ELOVL5: variants seen among roughly 807,000 people sequenced by gnomAD.
The protein encoded by ELOVL5 is very long chain fatty acid elongase 5.
In ELOVL5, 8 loss-of-function variants were observed where a neutral mutation model predicts 38.6. The ratio of observed to expected loss-of-function variants is 0.21; its 90% CI spans 0.12 to 0.37. ELOVL5 has a LOEUF of 0.37. Ranked by LOEUF, ELOVL5 falls within the 10% of genes least tolerant of loss-of-function variation. ELOVL5 has a pLI of 1.00. For missense variants in ELOVL5, 280 were observed against 367.8 expected (o/e 0.76, Z 1.95); for synonymous variants, 127 against 133.7 (o/e 0.95, Z 0.34).
At chr6:53,270,371 G>T (rs1327680451) in intron 7 of ELOVL5, among the ~76,000 whole-genome samples, 1 of 152,096 alleles carries the variant, frequency 6.6e-6, no homozygotes, top group African/African-American at 2.4e-5. Context: ...ATTTCCCAGG[G>T]GAATCCCAAG....
intron 1 of ELOVL5, among the ~76,000 whole-genome samples, chr6:53,333,401 C>G (rs1430258661): frequency 1.3e-5 from 2 of 152,142 alleles, no homozygotes; most frequent in Non-Finnish European, 2.9e-5. Flanking sequence ...CTGACTTGAT[C>G]TGAAGAATGG....
At chr6:53,318,907 T>C (rs1000226322) in intron 1 of ELOVL5, among the ~76,000 whole-genome samples, 9 of 152,230 alleles carry the variant, frequency 5.9e-5, no homozygotes, top group Non-Finnish European at 1.0e-4. Context: ...AATAACTTTA[T>C]ATTCCTTTTG....
intron 3 of ELOVL5, among the ~76,000 whole-genome samples, chr6:53,286,285 G>A (rs560259636): frequency 6.6e-6 from 1 of 152,144 alleles, no homozygotes; most frequent in Non-Finnish European, 1.5e-5. Flanking sequence ...CACATAGCTG[G>A]GCACAGTGGC....
Position 53,276,505 on chromosome 6 carries a change from G to A in ELOVL5, c.247-249C>T, listed in dbSNP as rs187258248. Among the ~76,000 whole-genome samples the A allele has an allele frequency of 1.2e-4, 18 of 152,208 alleles. No individual in the cohort carries two copies. In the East Asian group the frequency reaches 1.9e-3, roughly 16 times the overall value. On this transcript the variant is annotated intron_variant, in intron 3 of 7. Coordinates refer to ENST00000304434, the MANE Select transcript of ELOVL5 (RefSeq NM_021814.5). ...GCCCTCAGAGACCTTCCTTTACCACGCTGCTTCTCTGCAGAACCCTCAGCC... is the reference window on the plus strand; with the variant it reads ...GCCCTCAGAGACCTTCCTTTACCACACTGCTTCTCTGCAGAACCCTCAGCC...
At chr6:53,300,659 G>A (rs1330314293) in intron 1 of ELOVL5, among the ~76,000 whole-genome samples, 1 of 152,186 alleles carries the variant, frequency 6.6e-6, no homozygotes. Flanking sequence ...CCTGGGGTCA[G>A]GGCTAGGCTG....
chr6:53,306,081 G>C (rs1192986895), intron 1 of ELOVL5, among the ~76,000 whole-genome samples: 1 of 151,162 alleles, frequency 6.6e-6, no homozygotes, highest in African/African-American at 2.4e-5. Flanking sequence ...GCGCGCGCCT[G>C]CAATTGCAGG....
At chr6:53,332,180 C>A (rs1768833837) in intron 1 of ELOVL5, among the ~76,000 whole-genome samples, 1 of 152,188 alleles carries the variant, frequency 6.6e-6, no homozygotes. Flanking sequence ...GACAAACACC[C>A]AAACTACATC....
At chr6:53,314,693 T>C (rs945420360) in intron 1 of ELOVL5, among the ~76,000 whole-genome samples, 4 of 152,088 alleles carry the variant, frequency 2.6e-5, no homozygotes, top group Admixed American at 1.3e-4. Context: ...TGATGTCTTA[T>C]GTCATAATTT....
At chr6:53,275,501 T>G (rs1175282557) in intron 4 of ELOVL5, among the ~76,000 whole-genome samples, 1 of 152,060 alleles carries the variant, frequency 6.6e-6, no homozygotes, top group East Asian at 1.9e-4. Context: ...AGGGAATATT[T>G]TTGAAAGGGT....
At chr6:53,282,934 T>C (rs1480992081) in intron 3 of ELOVL5, among the ~76,000 whole-genome samples, 1 of 152,226 alleles carries the variant, frequency 6.6e-6, no homozygotes, top group Non-Finnish European at 1.5e-5. Context: ...TTCCATCAGA[T>C]GGCCTTCAAA....
chr6:53,278,619 T>C (rs1263297377), intron 3 of ELOVL5, among the ~76,000 whole-genome samples: 2 of 152,142 alleles, frequency 1.3e-5, no homozygotes, highest in African/African-American at 4.8e-5. Context: ...CAGTATTGGG[T>C]GGTGAACTTT....
chr6:53,316,785 G>A (rs955796495), intron 1 of ELOVL5, among the ~76,000 whole-genome samples: 1 of 151,948 alleles, frequency 6.6e-6, no homozygotes, highest in African/African-American at 2.4e-5. Context: ...TGGGGGCTGC[G>A]GGTGTGTGAG....
chr6:53,308,077 G>T (rs1016527041), intron 1 of ELOVL5, among the ~76,000 whole-genome samples: 3 of 151,684 alleles, frequency 2.0e-5, no homozygotes, highest in Admixed American at 2.0e-4. Context: ...ACGAGAAAAA[G>T]ATACAGAACT....
chr6:53,332,824 G>A (rs998010181), intron 1 of ELOVL5, among the ~76,000 whole-genome samples: 2 of 152,152 alleles, frequency 1.3e-5, no homozygotes, highest in Non-Finnish European at 2.9e-5. Context: ...CATGTAAGAG[G>A]TTCTTCAAAA....
chr6:53,304,435 T>C (rs1181297645), intron 1 of ELOVL5, among the ~76,000 whole-genome samples: 1 of 128,270 alleles, frequency 7.8e-6, no homozygotes, highest in Non-Finnish European at 1.6e-5. Flanking sequence ...CACACACACC[T>C]CTTTTATTTT....
intron 1 of ELOVL5, among the ~76,000 whole-genome samples, chr6:53,309,797 G>T (rs1237704639): frequency 6.6e-6 from 1 of 152,204 alleles, no homozygotes; most frequent in African/African-American, 2.4e-5. Flanking sequence ...CAATGTGGCA[G>T]GAAATAGGCC....
At chr6:53,296,435 T>C (rs1002523034) in intron 1 of ELOVL5, among the ~76,000 whole-genome samples, 9 of 152,244 alleles carry the variant, frequency 5.9e-5, no homozygotes, top group African/African-American at 1.2e-4. Flanking sequence ...TAATTGATCA[T>C]AGTAGAGAAT....
intron 1 of ELOVL5, among the ~76,000 whole-genome samples, chr6:53,305,340 A>C (rs1178977238): frequency 1.5e-4 from 13 of 89,450 alleles, no homozygotes; most frequent in South Asian, 3.7e-4. Flanking sequence ...TGACCCCCCC[A>C]CCTCCCTCCC....
intron 3 of ELOVL5, among the ~76,000 whole-genome samples, chr6:53,285,587 C>A (rs1766538259): frequency 6.6e-6 from 1 of 152,146 alleles, no homozygotes; most frequent in Non-Finnish European, 1.5e-5. Flanking sequence ...ACCACTGCAC[C>A]TGGGAGCATT....
Sources: allele counts gnomAD v4.1 joint callset (sites outside exome capture counted in the v4.1 genomes callset), GRCh38; gene constraint gnomAD v4.1.1; transcripts MANE v1.5; gene names NCBI Gene and HGNC (gene_info 2026-07-23, HGNC 2026-07-21).